Variants in GALNTL6 observed in about 807,000 individuals in gnomAD.
The protein encoded by GALNTL6 is polypeptide N-acetylgalactosaminyltransferase-like 6.
A neutral mutation model predicts 73.7 loss-of-function variants in GALNTL6; 46 were observed. The observed-to-expected ratio is 0.62, with a 90% CI of 0.49 to 0.80. GALNTL6 has a LOEUF of 0.80. Ranked by LOEUF, GALNTL6 falls within the 30% of genes least tolerant of loss-of-function variation. The pLI, the probability that GALNTL6 is intolerant of heterozygous loss-of-function variation, is 0.00. For missense variants in GALNTL6, 604 were observed against 755.0 expected, an observed-to-expected ratio of 0.80 and a Z score of 2.34; for synonymous variants, 259 against 263.7, an observed-to-expected ratio of 0.98 and a Z score of 0.17.
At chr4:172,236,609 C>G (rs561987583) in intron 3 of GALNTL6, among the ~76,000 whole-genome samples, 1 of 151,120 alleles carries the variant, frequency 6.6e-6, no homozygotes, top group African/African-American at 2.4e-5. Flanking sequence ...CATTTCATTA[C>G]ATACTTTGTT....
intron 10 of GALNTL6, among the ~76,000 whole-genome samples, chr4:172,956,504 G>T (rs1436380360): frequency 6.6e-6 from 1 of 152,176 alleles, no homozygotes; most frequent in African/African-American, 2.4e-5. Context: ...TTTGGGGATA[G>T]CACCAGGAGA....
intron 2 of GALNTL6, among the ~76,000 whole-genome samples, chr4:172,049,928 G>A (rs1730794262): frequency 6.6e-6 from 1 of 151,738 alleles, no homozygotes; most frequent in Non-Finnish European, 1.5e-5. Context: ...AGGTTGCAGT[G>A]AGCTGAGATC....
intron 7 of GALNTL6, among the ~76,000 whole-genome samples, chr4:172,843,737 C>T (rs541691776): frequency 6.6e-6 from 1 of 152,306 alleles, no homozygotes; most frequent in African/African-American, 2.4e-5. Context: ...GAAGTGACCC[C>T]TCATGACACA....
At chr4:172,739,475 A>G (rs1341496988) in intron 5 of GALNTL6, among the ~76,000 whole-genome samples, 3 of 152,148 alleles carry the variant, frequency 2.0e-5, no homozygotes, top group Non-Finnish European at 4.4e-5. Context: ...GTTGATTGGT[A>G]GGTTAGTGGG....
chr4:172,561,523 T>C lies in GALNTL6; in HGVS notation c.553+212834T>C, dbSNP rs200077728. On this transcript the variant is annotated intron_variant, in intron 5 of 12. Transcript: ENST00000506823. ...ATTATTTGTTTTAATTATTTAGTAA[T>C]TATATTATTAAAAAACCATTCCAAT... Among the ~76,000 whole-genome samples the C allele has an allele frequency of 8.0e-4, 122 of 152,294 alleles. 2 individuals carry two copies. In the South Asian group the frequency reaches 0.017, roughly 21 times the overall value.
intron 3 of GALNTL6, among the ~76,000 whole-genome samples, chr4:172,273,226 TA>T (rs1738715058): frequency 6.6e-6 from 1 of 152,160 alleles, no homozygotes; most frequent in Non-Finnish European, 1.5e-5. Flanking sequence ...CAAATATTTT[TA>T]AAAAATATAA....
At chr4:172,242,400 T>G (rs1737468625) in intron 3 of GALNTL6, among the ~76,000 whole-genome samples, 2 of 152,130 alleles carry the variant, frequency 1.3e-5, no homozygotes, top group South Asian at 4.1e-4. Context: ...AAAGCATTTG[T>G]TTTTAGTTTT....
intron 3 of GALNTL6, among the ~76,000 whole-genome samples, chr4:172,305,807 T>C (rs1464298048): frequency 2.0e-5 from 3 of 152,208 alleles, no homozygotes; most frequent in East Asian, 1.9e-4. Flanking sequence ...TATGCCATAA[T>C]TGGTGACTCA....
chr4:172,626,585 T>C (rs1436295140), intron 5 of GALNTL6, among the ~76,000 whole-genome samples: 1 of 152,138 alleles, frequency 6.6e-6, no homozygotes, highest in East Asian at 1.9e-4. Flanking sequence ...GTGTTGAATA[T>C]GTAGGTTGCT....
At chr4:172,571,761 A>G (rs893290918) in intron 5 of GALNTL6, among the ~76,000 whole-genome samples, 2 of 152,220 alleles carry the variant, frequency 1.3e-5, no homozygotes, top group African/African-American at 2.4e-5. Context: ...TTAGGATAAT[A>G]TGGCAAAATT....
chr4:172,761,761 G>C (rs1019398555), intron 5 of GALNTL6, among the ~76,000 whole-genome samples: 3 of 151,386 alleles, frequency 2.0e-5, no homozygotes, highest in Admixed American at 2.0e-4. Flanking sequence ...TGCCATGATT[G>C]TAAGTTTCCT....
chr4:172,336,270 G>GTTTTTTTTTTTTT lies in GALNTL6; in HGVS notation c.387-12249_387-12248insTTTTTTTTTTTTT, dbSNP rs138448149. Among the ~76,000 whole-genome samples the GTTTTTTTTTTTTT allele has an allele frequency of 5.5e-4, 60 of 108,412 alleles. 15 individuals carry two copies. The highest frequency in any genetic ancestry group is 1.1e-3 in the African/African-American group (29 of 26,846). 71.1% of individuals were successfully genotyped at this position (108,412 alleles called of 152,430 possible). On this transcript the variant is annotated intron_variant, in intron 4 of 12. Coordinates refer to ENST00000506823, the MANE Select transcript of GALNTL6 (RefSeq NM_001034845.3). ...TGAGAACTCTTCTTGGTATAGTTTTGTTTTGTTTTTTTTTTTTTTTGACTG... is the reference window on the plus strand; with the variant it reads ...TGAGAACTCTTCTTGGTATAGTTTTGTTTTTTTTTTTTTTTTTGTTTTTTTTTTTTTTTGACTG...
intron 5 of GALNTL6, among the ~76,000 whole-genome samples, chr4:172,447,972 G>A (rs1732086429): frequency 6.6e-6 from 1 of 152,020 alleles, no homozygotes; most frequent in Non-Finnish European, 1.5e-5. Flanking sequence ...TATTATAAAG[G>A]GTGGAAATAA....
intron 10 of GALNTL6, among the ~76,000 whole-genome samples, chr4:172,981,796 CTTTTTTTTTTT>C (rs56273122): frequency 9.8e-6 from 1 of 101,808 alleles, no homozygotes; most frequent in Non-Finnish European, 1.9e-5. Flanking sequence ...GTATGAACGT[CTTTTTTTTTTT>C]TTTTTTTTTT....
chr4:172,115,729 G>A (rs900244263), intron 2 of GALNTL6, among the ~76,000 whole-genome samples: 3 of 152,004 alleles, frequency 2.0e-5, no homozygotes, highest in Admixed American at 6.6e-5. Context: ...CAAATGGATC[G>A]TGGAACAGTA....
intron 8 of GALNTL6, 102 bp downstream of exon 8, chr4:172,883,009 T>G (rs1745540001): frequency 3.1e-6 from 2 of 654,354 alleles, no homozygotes; most frequent in Non-Finnish European, 2.7e-6. Flanking sequence ...GATGACTTAA[T>G]GGTAATAGAT....
intron 5 of GALNTL6, among the ~76,000 whole-genome samples, chr4:172,451,295 G>T (rs747530025): frequency 6.6e-6 from 1 of 152,146 alleles, no homozygotes; most frequent in South Asian, 2.1e-4. Flanking sequence ...CCTGTATTTT[G>T]AACGTTACCA....
rs574018967 is a variant in GALNTL6, at chr4:171,916,585, G to C, written c.138+101867G>C. ...AATCTTTGCTATGTTTGTACAACTG[G>C]CTTCCTTTAATATTTCAGACCCAGA... On this transcript the variant is annotated intron_variant, in intron 2 of 12. Transcript: ENST00000506823. Among the ~76,000 whole-genome samples, 4 of 152,158 alleles carry C rather than the reference G, an allele frequency of 2.6e-5. No individual in the cohort carries two copies. The South Asian group carries it at 8.3e-4, about 32-fold the overall frequency.
intron 2 of GALNTL6, among the ~76,000 whole-genome samples, chr4:172,082,685 T>C (rs1731914335): frequency 6.6e-6 from 1 of 152,100 alleles, no homozygotes; most frequent in African/African-American, 2.4e-5. Flanking sequence ...GATAAGATGT[T>C]AAATAGGAGA....
Sources: gnomAD v4.1 joint callset for allele counts (sites outside exome capture counted in the v4.1 genomes callset) on GRCh38, gnomAD v4.1.1 for gene constraint, MANE v1.5 for transcripts, NCBI Gene and HGNC (gene_info 2026-07-23, HGNC 2026-07-21) for gene names.